Variants in C8orf34 observed in about 807,000 individuals in gnomAD.
The protein encoded by C8orf34 is chromosome 8 open reading frame 34.
Under a neutral mutation model 68.3 loss-of-function variants are expected in C8orf34, and 65 were observed. The ratio of observed to expected loss-of-function variants is 0.95; its 90% CI spans 0.78 to 1.17. The LOEUF (loss-of-function observed/expected upper bound fraction) is 1.17, where lower values mean the gene tolerates loss of function less well. C8orf34 is among the 50% of genes most tolerant of loss of function. The pLI, the probability that C8orf34 is intolerant of heterozygous loss-of-function variation, is 0.00. For synonymous variants in C8orf34, 244 were observed against 241.2 expected, an observed-to-expected ratio of 1.01 and a Z score of -0.11; for missense variants, 664 against 655.4, an observed-to-expected ratio of 1.01 and a Z score of -0.14.
intron 4 of C8orf34, among the ~76,000 whole-genome samples, chr8:68,478,876 G>C (rs1280785351): frequency 5.9e-5 from 9 of 152,140 alleles, no homozygotes; most frequent in Admixed American, 5.9e-4. Context: ...CCCTCAACAA[G>C]TGGAAATTAC....
intron 3 of C8orf34, among the ~76,000 whole-genome samples, chr8:68,461,579 T>A (rs183100802): frequency 6.6e-6 from 1 of 152,190 alleles, no homozygotes. Context: ...CCCATCAGAC[T>A]AAGAGCGGAT....
At chr8:68,607,036 T>C (rs903285832) in intron 7 of C8orf34, among the ~76,000 whole-genome samples, 1 of 152,088 alleles carries the variant, frequency 6.6e-6, no homozygotes, top group Non-Finnish European at 1.5e-5. Flanking sequence ...TTACCATTTG[T>C]GAGTGTTTTA....
chr8:68,540,135 A>G (rs1815644485), intron 7 of C8orf34, among the ~76,000 whole-genome samples: 1 of 151,972 alleles, frequency 6.6e-6, no homozygotes, highest in African/African-American at 2.4e-5. Flanking sequence ...AATATTAAAT[A>G]TTTTTTTAAA....
chr8:68,474,775 G>C (rs978897989), intron 4 of C8orf34, among the ~76,000 whole-genome samples: 15 of 152,164 alleles, frequency 9.9e-5, no homozygotes, highest in Non-Finnish European at 1.8e-4. Context: ...AAAGATCATG[G>C]GGCAGGTTTC....
chr8:68,465,495 T>C (rs1399363063), intron 3 of C8orf34, among the ~76,000 whole-genome samples: 1 of 151,842 alleles, frequency 6.6e-6, no homozygotes, highest in Non-Finnish European at 1.5e-5. Flanking sequence ...TAAAGACACA[T>C]GCACACGTAT....
intron 12 of C8orf34, among the ~76,000 whole-genome samples, chr8:68,806,582 AC>A (rs1247118089): frequency 6.6e-6 from 1 of 152,182 alleles, no homozygotes; most frequent in Admixed American, 6.5e-5. Context: ...TCAAATGTTA[AC>A]ATTTTCCATT....
chr8:68,522,050 T>C, intron 6 of C8orf34, 79 bp downstream of exon 6: 1 of 1,324,088 alleles, frequency 7.6e-7, no homozygotes, highest in East Asian at 2.3e-5. Flanking sequence ...GTTCATGGTT[T>C]TTATGAAATC....
At chr8:68,794,200 C>A (rs534010422) in intron 12 of C8orf34, among the ~76,000 whole-genome samples, 3 of 151,688 alleles carry the variant, frequency 2.0e-5, no homozygotes, top group African/African-American at 7.3e-5. Flanking sequence ...GTGACAGGGT[C>A]TCACTCTGTC....
chr8:68,781,289 A>C (rs1372540783), intron 11 of C8orf34, among the ~76,000 whole-genome samples: 1 of 152,216 alleles, frequency 6.6e-6, no homozygotes, highest in Non-Finnish European at 1.5e-5. Flanking sequence ...TGAAGTTTGT[A>C]AAGCACTTAT....
intron 7 of C8orf34, among the ~76,000 whole-genome samples, chr8:68,611,951 G>A (rs1452059660): frequency 6.6e-6 from 1 of 152,100 alleles, no homozygotes; most frequent in African/African-American, 2.4e-5. Flanking sequence ...GATTAATGTG[G>A]CTTTGTTTTC....
chr8:68,632,738 C>T (rs775043707), intron 7 of C8orf34, among the ~76,000 whole-genome samples: 9 of 152,120 alleles, frequency 5.9e-5, no homozygotes, highest in South Asian at 2.1e-4. Context: ...CAGCTCCAGC[C>T]GTGGCTAAAA....
chr8:68,567,655 T>G (rs1156337884), intron 7 of C8orf34, among the ~76,000 whole-genome samples: 2 of 132,550 alleles, frequency 1.5e-5, no homozygotes, highest in South Asian at 2.7e-4. Context: ...AGTGCAGTCG[T>G]GCAATCTCGG....
intron 7 of C8orf34, among the ~76,000 whole-genome samples, chr8:68,568,170 A>G (rs992383696): frequency 1.3e-5 from 2 of 152,116 alleles, no homozygotes; most frequent in African/African-American, 4.8e-5. Flanking sequence ...ACCACACATC[A>G]CTGATCACAC....
chr8:68,520,474 G>T (rs986439219), intron 5 of C8orf34, among the ~76,000 whole-genome samples: 43 of 151,788 alleles, frequency 2.8e-4, no homozygotes, highest in African/African-American at 1.0e-3. Flanking sequence ...TTTTTAAGAC[G>T]CAGTCTTGCT....
chr8:68,414,089 T>C (rs931095113), intron 1 of C8orf34, among the ~76,000 whole-genome samples: 7 of 152,174 alleles, frequency 4.6e-5, no homozygotes, highest in African/African-American at 1.7e-4. Flanking sequence ...CTGATTCTAG[T>C]TTTTACCTTG....
chr8:68,675,138 C>T (rs1045625271), intron 8 of C8orf34, among the ~76,000 whole-genome samples: 4 of 151,998 alleles, frequency 2.6e-5, no homozygotes, highest in African/African-American at 9.7e-5. Flanking sequence ...CAGACCTGTT[C>T]CACAAGAAAT....
chr8:68,631,453 T>G (rs559092074), intron 7 of C8orf34, among the ~76,000 whole-genome samples: 1 of 152,248 alleles, frequency 6.6e-6, no homozygotes, highest in African/African-American at 2.4e-5. Context: ...CCTGCATGAT[T>G]ATTATAATAA....
At chr8:68,733,562 T>G (rs1247759130) in intron 10 of C8orf34, among the ~76,000 whole-genome samples, 1 of 152,326 alleles carries the variant, frequency 6.6e-6, no homozygotes, top group Admixed American at 6.5e-5. Flanking sequence ...AAAGCATGCC[T>G]TCTTATATGA....
At chr8:68,815,153 G>C (rs1322697849) in intron 12 of C8orf34, among the ~76,000 whole-genome samples, 1 of 151,972 alleles carries the variant, frequency 6.6e-6, no homozygotes, top group Non-Finnish European at 1.5e-5. Context: ...TATTTCATCT[G>C]CTTTCACCCT....
Sources: allele counts gnomAD v4.1 joint callset (sites outside exome capture counted in the v4.1 genomes callset), GRCh38; gene constraint gnomAD v4.1.1; transcripts MANE v1.5; gene names NCBI Gene and HGNC (gene_info 2026-07-23, HGNC 2026-07-21).